Variants in CSF1 observed in about 807,000 individuals in gnomAD.
CSF1 encodes colony stimulating factor 1, also known as macrophage colony-stimulating factor 1.
In CSF1, 9 loss-of-function variants were observed where a neutral mutation model predicts 48.9. The ratio of observed to expected loss-of-function variants is 0.18; its 90% confidence interval spans 0.11 to 0.32. The LOEUF is 0.32. Ranked by LOEUF, CSF1 falls within the 10% of genes least tolerant of loss-of-function variation. CSF1 has a pLI of 1.00. For missense variants in CSF1, 672 were observed against 697.9 expected, an observed-to-expected ratio of 0.96 and a Z score of 0.42; for synonymous variants, 305 against 284.1, an observed-to-expected ratio of 1.07 and a Z score of -0.74.
chr1:109,910,959 G>A lies in CSF1; in HGVS notation c.-65G>A. ...CCTCGGCCGGGGCGCCCACTCCGCA[G>A]CAGCCAGCGAGCGAGCGAGCGAGCG... On this transcript the variant is annotated 5_prime_UTR_variant, in exon 1 of 9. Coordinates refer to ENST00000329608, the MANE Select transcript of CSF1 (RefSeq NM_000757.6). 8.9e-7 allele frequency: 1 copy of A among 1,123,924 alleles called. No homozygotes were observed. The highest frequency in any genetic ancestry group is 3.7e-5 in the South Asian group (1 of 27,342). The allele number at this position is 1,123,924 out of a possible 1,614,324, so 69.6% of individuals were successfully genotyped here.
chr1:109,912,827 A>G (rs1009338873), intron 1 of CSF1, among the ~76,000 whole-genome samples: 9 of 151,756 alleles, frequency 5.9e-5, no homozygotes, highest in African/African-American at 2.2e-4. Flanking sequence ...ACCCAGGGCA[A>G]CCTCCCCAAC....
Position 109,923,288 on chromosome 1 carries a change from T to C in CSF1, c.667T>C (p.Trp223Arg). The C allele has an allele frequency of 1.2e-6, 2 of 1,612,578 alleles. No homozygotes were observed. The highest frequency in any genetic ancestry group is 1.7e-6 in the Non-Finnish European group (2 of 1,179,276). ...CATGGCCCCTGTGGCTGGCTTGACC[T>C]GGGAGGACTCTGAGGGAACTGAGGG... ...PSMAPVAGLTWEDSEGTEGSS... is the reference protein window; with the variant it reads ...PSMAPVAGLTREDSEGTEGSS... Residue 223 changes from tryptophan (W) to arginine (R), a missense_variant, in exon 6 of 9, where the codon TGG (tryptophan) becomes CGG (arginine). Transcript: ENST00000329608.
At chr1:109,923,031 C>G (rs1357699472) in intron 5 of CSF1, 135 bp from the exon 6 acceptor site, 1 of 809,578 alleles carries the variant, frequency 1.2e-6, no homozygotes, top group East Asian at 2.7e-5. Context: ...TTCTCAGCCC[C>G]AGGGCTGAGC....
chr1:109,916,247 C>T (rs904747458), intron 3 of CSF1, among the ~76,000 whole-genome samples: 1 of 152,164 alleles, frequency 6.6e-6, no homozygotes, highest in African/African-American at 2.4e-5. Context: ...CCCACCTTCA[C>T]CCCTCAATCA....
chr1:109,920,612 C>T (rs1056807043), intron 4 of CSF1, among the ~76,000 whole-genome samples: 6 of 152,156 alleles, frequency 3.9e-5, no homozygotes, highest in South Asian at 4.1e-4. Flanking sequence ...CCACCGCACC[C>T]GGCCTATCTG....
chr1:109,914,393 G>A lies in CSF1; in HGVS notation c.162+12G>A. Reference sequence around the variant, plus strand: ...CTCTGCAGCGGCTGGTGAGTGTGTGGCCATGCTGTATTCTACCTTCTCCCC... The same window carrying A: ...CTCTGCAGCGGCTGGTGAGTGTGTGACCATGCTGTATTCTACCTTCTCCCC... On this transcript the variant is annotated intron_variant, in intron 2 of 8. Transcript: ENST00000329608. 6.3e-7 allele frequency: 1 copy of A among 1,585,912 alleles called. No homozygotes were observed. The highest frequency in any genetic ancestry group is 2.3e-5 in the East Asian group (1 of 43,808).
intron 8 of CSF1, among the ~76,000 whole-genome samples, chr1:109,928,143 C>A (rs572563469): frequency 1.3e-5 from 2 of 152,172 alleles, no homozygotes; most frequent in Non-Finnish European, 2.9e-5. Flanking sequence ...GGGAACAAAG[C>A]GTCCTGAGGA....
chr1:109,927,666 C>G (rs1432281578), intron 8 of CSF1, among the ~76,000 whole-genome samples: 2 of 152,232 alleles, frequency 1.3e-5, no homozygotes, highest in African/African-American at 4.8e-5. Flanking sequence ...CCAGATCCCA[C>G]TTGGCCCGGC....
chr1:109,913,093 C>A (rs1654760396), intron 1 of CSF1, among the ~76,000 whole-genome samples: 2 of 152,232 alleles, frequency 1.3e-5, no homozygotes, highest in South Asian at 4.1e-4. Context: ...GAAGAGCTGG[C>A]AAGCATTTGG....
intron 3 of CSF1, among the ~76,000 whole-genome samples, chr1:109,916,594 C>A (rs577627855): frequency 8.5e-4 from 130 of 152,324 alleles, no homozygotes; most frequent in African/African-American, 3.0e-3. Context: ...CATCTTTATG[C>A]CTCATGCAAA....
Position 109,923,644 on chromosome 1 carries a change from C to A in CSF1, c.1023C>A (p.Ser341Arg). The A allele has an allele frequency of 6.2e-7, 1 of 1,613,954 alleles. No homozygotes were observed. Among genetic ancestry groups the A allele is most frequent in the South Asian group, 1.1e-5 (1 of 91,078 alleles). Residue 341 changes from serine (S) to arginine (R), a missense_variant, in exon 6 of 9, where the codon AGC becomes AGA. Physicochemically the swap from Ser to Arg is moderately radical, Grantham distance 110. This residue lies in a region of CSF1 where 591 missense variants were observed against 593.6 expected (regional missense o/e 1.00). Transcript: ENST00000329608. Reference sequence around the variant, plus strand: ...TGCAGACAGAGCCCGCCAGACCCAGCAACTTCCTCTCAGCATCTTCTCCAC... The same window carrying A: ...TGCAGACAGAGCCCGCCAGACCCAGAAACTTCCTCTCAGCATCTTCTCCAC... ...GSMQTEPARP[S>R]NFLSASSPLP...
chr1:109,913,279 C>T (rs761657797), intron 1 of CSF1, among the ~76,000 whole-genome samples: 6 of 152,372 alleles, frequency 3.9e-5, no homozygotes, highest in Non-Finnish European at 8.8e-5. Context: ...TTCCCTGAAT[C>T]TGGGGGCATC....
intron 8 of CSF1, 139 bp downstream of exon 8, chr1:109,925,341 C>T (rs188627081): frequency 9.7e-6 from 7 of 723,112 alleles, no homozygotes; most frequent in Admixed American, 6.2e-5. Context: ...TTCCATACAT[C>T]GCCAGCCAGG....
intron 1 of CSF1, among the ~76,000 whole-genome samples, chr1:109,911,651 G>A (rs1263245289): frequency 6.6e-6 from 1 of 152,190 alleles, no homozygotes; most frequent in Non-Finnish European, 1.5e-5. Context: ...GGGGTGGGGT[G>A]GGGGACGGCA....
At chr1:109,920,865 CAGG>C (rs1470966204) in intron 4 of CSF1, among the ~76,000 whole-genome samples, 6 of 152,074 alleles carry the variant, frequency 3.9e-5, no homozygotes. Flanking sequence ...ATTTGGATAT[CAGG>C]AGGAGAAGGG....
intron 1 of CSF1, 133 bp downstream of exon 1, chr1:109,911,195 A>G (rs1354479992): frequency 4.0e-6 from 2 of 503,044 alleles, no homozygotes; most frequent in Non-Finnish European, 5.2e-6. Flanking sequence ...CCCGCCGCGG[A>G]CGAACCGCCT....
chr1:109,915,108 G>A (rs770849097), intron 2 of CSF1, among the ~76,000 whole-genome samples: 2 of 152,250 alleles, frequency 1.3e-5, no homozygotes, highest in South Asian at 2.1e-4. Flanking sequence ...TGTGCCTTCC[G>A]CCTCTCTTGC....
intron 2 of CSF1, among the ~76,000 whole-genome samples, chr1:109,915,213 C>T (rs1654845872): frequency 1.3e-5 from 2 of 152,362 alleles, no homozygotes; most frequent in African/African-American, 4.8e-5. Flanking sequence ...AGAACTGCTG[C>T]TCTGGGGCTA....
At chr1:109,914,506 G>A in intron 2 of CSF1, 125 bp downstream of exon 2, 2 of 1,150,148 alleles carry the variant, frequency 1.7e-6, no homozygotes, top group Non-Finnish European at 2.3e-6. Context: ...CATTGCTTGT[G>A]GTTCCCACTA....
Sources: gnomAD v4.1 joint callset for allele counts (sites outside exome capture counted in the v4.1 genomes callset) on GRCh38, gnomAD v4.1.1 for gene constraint, gnomAD v4.1.1 regional missense constraint, MANE v1.5 for transcripts, NCBI Gene and HGNC (gene_info 2026-07-23, HGNC 2026-07-21) for gene names.